Variants in GABBR2 observed in about 807,000 individuals in gnomAD.
The protein encoded by GABBR2 is gamma-aminobutyric acid type B receptor subunit 2, also known as G-protein coupled receptor 51.
In GABBR2, 23 loss-of-function variants were observed where a neutral mutation model predicts 105.6. That is an observed-to-expected ratio of 0.22 (90% CI 0.16 to 0.31). GABBR2 has a LOEUF of 0.31. Ranked by LOEUF, GABBR2 falls within the 10% of genes least tolerant of loss-of-function variation. The pLI, the probability that GABBR2 is intolerant of heterozygous loss-of-function variation, is 1.00. For missense variants in GABBR2, 734 were observed against 1,245.5 expected (o/e 0.59, Z 6.18); for synonymous variants, 478 against 499.7 (o/e 0.96, Z 0.58).
At chr9:98,295,713 A>T (rs1193425022) in intron 17 of GABBR2, among the ~76,000 whole-genome samples, 1 of 152,072 alleles carries the variant, frequency 6.6e-6, no homozygotes, top group African/African-American at 2.4e-5. Flanking sequence ...TTCAGTGGAG[A>T]CAGGGTTTCA....
chr9:98,369,627 C>T (rs1473189151), intron 12 of GABBR2, among the ~76,000 whole-genome samples: 2 of 152,188 alleles, frequency 1.3e-5, no homozygotes, highest in African/African-American at 2.4e-5. Context: ...ACTGCTCGGG[C>T]TGGGTTGCTG....
At chr9:98,383,481 T>G (rs1050784843) in intron 11 of GABBR2, among the ~76,000 whole-genome samples, 1 of 152,170 alleles carries the variant, frequency 6.6e-6, no homozygotes, top group Non-Finnish European at 1.5e-5. Context: ...AGTGAAAAAC[T>G]CTTGAGTGGG....
Position 98,554,611 on chromosome 9 carries a change from A to G in GABBR2, c.460-12568T>C, listed in dbSNP as rs867969478. ...ACTTTTAAAGAATAATAGCAAAACC[A>G]ATATCCAGCTGCCTATCACCCAGTT... On this transcript the variant is annotated intron_variant, in intron 2 of 18. Transcript: ENST00000259455. 1.4e-4 allele frequency among the ~76,000 whole-genome samples: 21 copies of G among 152,304 alleles called. No homozygotes were observed. In the Middle Eastern group the frequency reaches 0.01, roughly 74 times the overall value.
chr9:98,328,029 T>A (rs200210095), intron 13 of GABBR2, among the ~76,000 whole-genome samples: 1 of 83,536 alleles, frequency 1.2e-5, no homozygotes, highest in Admixed American at 1.1e-4. Context: ...GGACAGCTAA[T>A]GGGATCAATA....
chr9:98,661,416 C>T (rs186107313), intron 1 of GABBR2, among the ~76,000 whole-genome samples: 2 of 150,850 alleles, frequency 1.3e-5, no homozygotes, highest in African/African-American at 2.4e-5. Flanking sequence ...CCCCCACCCC[C>T]CCGATATGGA....
chr9:98,371,456 G>A lies in GABBR2; in HGVS notation c.1770+8C>T. 1 of 1,372,012 alleles carries A rather than the reference G, an allele frequency of 7.3e-7. No homozygotes were observed. Among genetic ancestry groups the A allele is most frequent in the Non-Finnish European group, 1.0e-6 (1 of 958,618 alleles). 85.0% of individuals were successfully genotyped at this position (1,372,012 alleles called of 1,614,324 possible). A position where few individuals can be genotyped will look rare whatever the true frequency, so the allele number is the denominator to read the frequency against. On this transcript the variant is annotated splice_region_variant and intron_variant, in intron 12 of 18. Transcript: ENST00000259455. ...ACTAATACCCTGAAACAGAAGGAGA[G>A]TGATTACCTTCTTCTTCATTTTCAC... is the stretch of plus-strand genomic sequence containing the variant.
In GABBR2 at chr9:98,290,336, A is replaced by C; in HGVS notation, c.*248T>G. ...AGCGCCTCCTTGTTTGCAGATGTTA[A>C]GGAAGACGTCCCATTTCCGTTCCTC... On this transcript the variant is annotated 3_prime_UTR_variant, in exon 19 of 19. Transcript: ENST00000259455. 4.3e-6 allele frequency: 1 copy of C among 230,026 alleles called. No individual in the cohort carries two copies. Among genetic ancestry groups the C allele is most frequent in the Non-Finnish European group, 8.1e-6 (1 of 122,818 alleles). The allele number at this position is 230,026 out of a possible 1,614,324, so 14.2% of individuals were successfully genotyped here.
At chr9:98,626,500 A>G (rs114738515) in intron 1 of GABBR2, among the ~76,000 whole-genome samples, 1 of 152,322 alleles carries the variant, frequency 6.6e-6, no homozygotes, top group African/African-American at 2.4e-5. Flanking sequence ...GTAGAGAGGT[A>G]GTGAAGAGCC....
intron 13 of GABBR2, among the ~76,000 whole-genome samples, chr9:98,342,256 G>A (rs968162345): frequency 6.6e-6 from 1 of 151,938 alleles, no homozygotes; most frequent in East Asian, 1.9e-4. Flanking sequence ...ATTGGGGGTG[G>A]AAAGGGGGTG....
chr9:98,618,160 G>C (rs1829614671), intron 1 of GABBR2, among the ~76,000 whole-genome samples: 1 of 152,166 alleles, frequency 6.6e-6, no homozygotes, highest in Non-Finnish European at 1.5e-5. Flanking sequence ...AACCGATCCT[G>C]CAGCTCCAGT....
chr9:98,584,505 G>A (rs1288263811), intron 1 of GABBR2, among the ~76,000 whole-genome samples: 1 of 152,058 alleles, frequency 6.6e-6, no homozygotes, highest in Non-Finnish European at 1.5e-5. Context: ...AATCACCATT[G>A]GCACATATAG....
intron 1 of GABBR2, among the ~76,000 whole-genome samples, chr9:98,628,037 T>A (rs1257188852): frequency 6.6e-6 from 1 of 152,192 alleles, no homozygotes; most frequent in African/African-American, 2.4e-5. Flanking sequence ...TAAGGACACA[T>A]CTCAAAAAGC....
chr9:98,704,487 G>A (rs2131889609), intron 1 of GABBR2, among the ~76,000 whole-genome samples: 1 of 152,216 alleles, frequency 6.6e-6, no homozygotes, highest in Non-Finnish European at 1.5e-5. Flanking sequence ...CCACAGGATA[G>A]AATAGTATAC....
At chr9:98,610,263 A>G (rs908242443) in intron 1 of GABBR2, among the ~76,000 whole-genome samples, 4 of 152,208 alleles carry the variant, frequency 2.6e-5, no homozygotes, top group Non-Finnish European at 4.4e-5. Flanking sequence ...TAAAGAGAGG[A>G]TGACAATAGT....
intron 2 of GABBR2, among the ~76,000 whole-genome samples, chr9:98,550,786 G>T (rs1375928080): frequency 6.6e-6 from 1 of 152,194 alleles, no homozygotes; most frequent in Admixed American, 6.5e-5. Flanking sequence ...TGTGGACTCT[G>T]AAGCTTTACA....
intron 1 of GABBR2, among the ~76,000 whole-genome samples, chr9:98,626,667 G>T (rs753292204): frequency 6.6e-6 from 1 of 152,162 alleles, no homozygotes; most frequent in East Asian, 1.9e-4. Flanking sequence ...ACTTGAAAAG[G>T]CTTGGCTCAT....
intron 3 of GABBR2, among the ~76,000 whole-genome samples, chr9:98,521,475 G>A (rs1827865137): frequency 6.6e-6 from 1 of 152,180 alleles, no homozygotes; most frequent in South Asian, 2.1e-4. Flanking sequence ...AGGAGTGGCT[G>A]GGTCATTAGA....
intron 7 of GABBR2, among the ~76,000 whole-genome samples, chr9:98,410,054 G>A (rs985650892): frequency 2.0e-5 from 3 of 151,994 alleles, no homozygotes; most frequent in East Asian, 1.9e-4. Context: ...CAGAGCCACC[G>A]TGGCCTGCAG....
intron 3 of GABBR2, among the ~76,000 whole-genome samples, chr9:98,536,948 A>C (rs1014054332): frequency 1.3e-5 from 2 of 152,192 alleles, no homozygotes; most frequent in African/African-American, 2.4e-5. Context: ...AAGTAGACCG[A>C]GGCCACCAGG....
Sources: gnomAD v4.1 joint callset for allele counts (sites outside exome capture counted in the v4.1 genomes callset) on GRCh38, gnomAD v4.1.1 for gene constraint, MANE v1.5 for transcripts, NCBI Gene and HGNC (gene_info 2026-07-23, HGNC 2026-07-21) for gene names.